TAS1R1: variants seen among roughly 807,000 people sequenced by gnomAD.
The protein encoded by TAS1R1 is taste 1 receptor member 1.
TAS1R1 carries 31 observed loss-of-function variants against 45.8 expected under a neutral mutation model. The observed-to-expected ratio is 0.68, with a 90% CI of 0.51 to 0.91. The LOEUF is 0.91. Among genes scored for constraint, TAS1R1 ranks in the 40% least tolerant of loss-of-function variants. TAS1R1 has a pLI of 0.00. For missense variants in TAS1R1, 1,051 were observed against 1,063.9 expected (o/e 0.99, Z 0.17); for synonymous variants, 437 against 448.4 (o/e 0.97, Z 0.32).
At chr1:6,556,855 A>C (rs1263461448) in intron 1 of TAS1R1, among the ~76,000 whole-genome samples, 3 of 151,904 alleles carry the variant, frequency 2.0e-5, no homozygotes, top group Non-Finnish European at 4.4e-5. Flanking sequence ...CATAAAATAC[A>C]ACACATTAGC....
Position 6,576,535 on chromosome 1 carries a change from T to C in TAS1R1, c.1381T>C (p.Trp461Arg), listed in dbSNP as rs1218317001. The C allele has an allele frequency of 1.9e-6, 3 of 1,614,268 alleles. No homozygotes were observed. The highest frequency in any genetic ancestry group is 2.5e-6 in the Non-Finnish European group (3 of 1,180,048). ...TGCCTGGGACTGGAATGGACCCAAG[T>C]GGACCTTCACGGTCCTCGGTTCCTC... Reference protein sequence around the residue: ...IIAWDWNGPKWTFTVLGSSTW... With the variant: ...IIAWDWNGPKRTFTVLGSSTW... Residue 461 changes from tryptophan to arginine, a missense_variant, in exon 4 of 6, where the codon TGG becomes CGG. Physicochemically the swap from Trp to Arg is moderately radical, Grantham distance 101. Coordinates refer to ENST00000333172, the MANE Select transcript of TAS1R1 (RefSeq NM_138697.4).
At chr1:6,570,868 C>G in intron 1 of TAS1R1, 41 bp from the exon 2 acceptor site, 1 of 1,553,530 alleles carries the variant, frequency 6.4e-7, no homozygotes, top group South Asian at 1.2e-5. Context: ...CTCAGCAGGC[C>G]TTTGTCCTTC....
chr1:6,564,642 G>A (rs572629628), intron 1 of TAS1R1, among the ~76,000 whole-genome samples: 2 of 152,258 alleles, frequency 1.3e-5, no homozygotes, highest in South Asian at 2.1e-4. Context: ...GACGCTGAGG[G>A]ACTGATAAAC....
rs183704409 is a variant in TAS1R1 at position 6,559,510 on chromosome 1, T to C, written c.191+3946T>C. On this transcript the variant is annotated intron_variant, in intron 1 of 5. Coordinates refer to ENST00000333172, the MANE Select transcript of TAS1R1 (RefSeq NM_138697.4). The stretch of plus-strand genomic sequence containing the variant: ...CTGTCTCTACTAAAATACAAAAAAA[T>C]TAGCTGGGCGTGGTGGTAGGCGCCT... Among the ~76,000 whole-genome samples the C allele has an allele frequency of 6.7e-4, 101 of 150,388 alleles. 1 individual carries two copies. The highest frequency in any genetic ancestry group is 6.6e-3 in the Admixed American group (100 of 15,138).
intron 1 of TAS1R1, among the ~76,000 whole-genome samples, chr1:6,562,587 C>G (rs1317191603): frequency 6.6e-6 from 1 of 152,246 alleles, no homozygotes; most frequent in African/African-American, 2.4e-5. Context: ...TCCCAACAGA[C>G]AAGCCTGCTA....
At chr1:6,576,726 C>G (rs2148676587) in intron 4 of TAS1R1, 99 bp downstream of exon 4, 1 of 1,455,114 alleles carries the variant, frequency 6.9e-7, no homozygotes, top group East Asian at 2.4e-5. Flanking sequence ...GAGGGGGGCC[C>G]CAGGGGTCCA....
In TAS1R1 at chr1:6,570,992, T is replaced by C. The variant is rs1570121327; in HGVS notation, c.275T>C (p.Leu92Pro). ...GAGGAGATAAACAACTCCACGGCCCTGCTGCCCAACATCACCCTGGGGTAC... is the reference window on the plus strand; with the variant it reads ...GAGGAGATAAACAACTCCACGGCCCCGCTGCCCAACATCACCCTGGGGTAC... ...GVEEINNSTA[L>P]LPNITLGYQL... is the part of the protein sequence containing the mutation. Residue 92 changes from leucine to proline, a missense_variant, in exon 2 of 6, where the codon CTG (leucine) becomes CCG (proline). Leu to Pro is a moderately conservative substitution (Grantham distance 98). Transcript: ENST00000333172. 1.2e-6 allele frequency: 2 copies of C among 1,614,172 alleles called. No individual in the cohort carries two copies. Among genetic ancestry groups the C allele is most frequent in the Non-Finnish European group, 1.7e-6 (2 of 1,180,020 alleles).
chr1:6,578,703 A>G lies in TAS1R1; in HGVS notation c.1645A>G (p.Ser549Gly). ...GAAAGAAGAGTGGGCACCTGAGGGAAGCCAGACCTGCTTCCCGCGCACTGT... is the reference window on the plus strand; with the variant it reads ...GAAAGAAGAGTGGGCACCTGAGGGAGGCCAGACCTGCTTCCCGCGCACTGT... Reference protein sequence around the residue: ...CGKEEWAPEGSQTCFPRTVVF... With the variant: ...CGKEEWAPEGGQTCFPRTVVF... The change falls in exon 6 of 6, where the codon AGC becomes GGC. Residue 549 changes from serine to glycine, a missense_variant. Ser to Gly is a moderately conservative substitution (Grantham distance 56, BLOSUM62 0). Coordinates refer to ENST00000333172, the MANE Select transcript of TAS1R1 (RefSeq NM_138697.4). 1 of 1,606,842 alleles carries G rather than the reference A, an allele frequency of 6.2e-7. No individual in the cohort carries two copies. Among genetic ancestry groups the G allele is most frequent in the Non-Finnish European group, 8.5e-7 (1 of 1,175,282 alleles).
At chr1:6,570,643 C>G (rs1639986005) in intron 1 of TAS1R1, among the ~76,000 whole-genome samples, 1 of 152,022 alleles carries the variant, frequency 6.6e-6, no homozygotes, top group South Asian at 2.1e-4. Context: ...TTCTCACTTT[C>G]TCTCTCTCTC....
chr1:6,560,637 A>G (rs886261664), intron 1 of TAS1R1, among the ~76,000 whole-genome samples: 9 of 152,186 alleles, frequency 5.9e-5, no homozygotes, highest in African/African-American at 2.2e-4. Flanking sequence ...TCCATCCTTT[A>G]ATAGGTAATA....
At chr1:6,563,297 T>C (rs372584148) in intron 1 of TAS1R1, among the ~76,000 whole-genome samples, 207 of 152,330 alleles carry the variant, frequency 1.4e-3, no homozygotes, top group African/African-American at 4.7e-3. Context: ...AAGTCAGACC[T>C]GAGGGCAGGT....
intron 1 of TAS1R1, among the ~76,000 whole-genome samples, chr1:6,568,735 C>T (rs2148671042): frequency 6.6e-6 from 1 of 152,210 alleles, no homozygotes; most frequent in East Asian, 1.9e-4. Flanking sequence ...GCAGCAGCTC[C>T]TACGGGCTTA....
At chr1:6,561,254 T>C (rs958766825) in intron 1 of TAS1R1, among the ~76,000 whole-genome samples, 3 of 152,224 alleles carry the variant, frequency 2.0e-5, no homozygotes, top group Admixed American at 6.5e-5. Context: ...AGGCGCTGCC[T>C]GATTTCAGAA....
Position 6,577,008 on chromosome 1 carries a change from G to A in TAS1R1, c.1532G>A (p.Gly511Asp), listed in dbSNP as rs770273553. The A allele has an allele frequency of 2.5e-6, 4 of 1,614,154 alleles. No homozygotes were observed. In the Admixed American group the frequency reaches 6.7e-5, roughly 27 times the overall value. The change falls in exon 5 of 6, where the codon GGT (glycine) becomes GAT (aspartate). Residue 511 changes from glycine (G) to aspartate (D), a missense_variant. Transcript: ENST00000333172. ...CLEGHQRVVT[G>D]FHHCCFECVP... ...GAAGGGCACCAGCGAGTGGTTACGG[G>A]TTTCCATCACTGCTGCTTTGAGTGT...
intron 1 of TAS1R1, among the ~76,000 whole-genome samples, chr1:6,568,207 T>G (rs1373756360): frequency 2.0e-5 from 3 of 151,852 alleles, no homozygotes; most frequent in Admixed American, 2.0e-4. Flanking sequence ...CCCAACACTT[T>G]GGGAGGCTGA....
At chr1:6,571,633 A>G (rs1640020392) in intron 2 of TAS1R1, among the ~76,000 whole-genome samples, 1 of 152,226 alleles carries the variant, frequency 6.6e-6, no homozygotes, top group South Asian at 2.1e-4. Context: ...CAGCCTGGCC[A>G]GTATGGCGAA....
chr1:6,558,894 C>CTTTTTTTTTTTT (rs780826392), intron 1 of TAS1R1, among the ~76,000 whole-genome samples: 5 of 140,014 alleles, frequency 3.6e-5, no homozygotes, highest in African/African-American at 1.3e-4. Flanking sequence ...AATTTTTGTA[C>CTTTTTTTTTTTT]TTTTTTTTTT....
chr1:6,577,037 C>G lies in TAS1R1; in HGVS notation c.1561C>G (p.Pro521Ala). The change falls in exon 5 of 6, where the codon CCC (proline) becomes GCC (alanine). Residue 521 changes from proline (P) to alanine (A), a missense_variant. Physicochemically the swap from Pro to Ala is conservative, Grantham distance 27 (BLOSUM62 -1). Coordinates refer to ENST00000333172, the MANE Select transcript of TAS1R1 (RefSeq NM_138697.4). ...CCATCACTGCTGCTTTGAGTGTGTG[C>G]CCTGTGGGGCTGGGACCTTCCTCAA... ...GFHHCCFECV[P>A]CGAGTFLNKS... 1 of 1,614,172 alleles carries G rather than the reference C, an allele frequency of 6.2e-7. No individual in the cohort carries two copies. Among genetic ancestry groups the G allele is most frequent in the African/African-American group, 1.3e-5 (1 of 75,044 alleles).
intron 1 of TAS1R1, among the ~76,000 whole-genome samples, chr1:6,570,227 G>A (rs954065965): frequency 5.3e-5 from 8 of 152,098 alleles, no homozygotes; most frequent in Admixed American, 4.6e-4. Flanking sequence ...TACAGACTAG[G>A]GGGTGTAAGT....
Sources: allele counts gnomAD v4.1 joint callset (sites outside exome capture counted in the v4.1 genomes callset), GRCh38; gene constraint gnomAD v4.1.1; transcripts MANE v1.5; gene names NCBI Gene and HGNC (gene_info 2026-07-23, HGNC 2026-07-21).